ATP10B: variants seen among roughly 807,000 people sequenced by gnomAD.
ATP10B encodes ATPase phospholipid transporting 10B (putative).
ATP10B carries 122 observed loss-of-function variants against 141.2 expected under a neutral mutation model. The ratio of observed to expected loss-of-function variants is 0.86; its 90% CI spans 0.75 to 1.00. The LOEUF is 1.00. ATP10B is among the 50% of genes least tolerant of loss of function. ATP10B has a pLI of 0.00. For missense variants in ATP10B, 1,876 were observed against 1,825.3 expected, an observed-to-expected ratio of 1.03 and a Z score of -0.51; for synonymous variants, 685 against 692.0, an observed-to-expected ratio of 0.99 and a Z score of 0.16.
intron 2 of ATP10B, among the ~76,000 whole-genome samples, chr5:160,748,018 C>T (rs1390479004): frequency 2.8e-5 from 4 of 145,264 alleles, no homozygotes; most frequent in South Asian, 2.2e-4. Flanking sequence ...AAAAAAAAAG[C>T]GGCCGGGGTT....
chr5:160,920,853 AG>A, the ATP10B span, among the ~76,000 whole-genome samples: 1 of 152,212 alleles, frequency 6.6e-6, no homozygotes, highest in Non-Finnish European at 1.5e-5. Flanking sequence ...AATGCTGGTC[AG>A]GGGGCCTCAC....
At chr5:160,652,973 A>T (rs1443491087) in intron 7 of ATP10B, among the ~76,000 whole-genome samples, 85 of 91,360 alleles carry the variant, frequency 9.3e-4, no homozygotes, top group Non-Finnish European at 1.4e-3. Context: ...ATGTATATAT[A>T]ATATATACAT....
At chr5:160,787,885 C>T (rs1400567030) in intron 1 of ATP10B, among the ~76,000 whole-genome samples, 1 of 152,102 alleles carries the variant, frequency 6.6e-6, no homozygotes. Context: ...GTATTATTCC[C>T]CCTTATTAAT....
chr5:160,767,051 GA>G (rs71285017), intron 2 of ATP10B, among the ~76,000 whole-genome samples: 80 of 144,572 alleles, frequency 5.5e-4, no homozygotes, highest in African/African-American at 1.1e-3. Flanking sequence ...GGCCACAATG[GA>G]AAAAAAAAAG....
At chr5:160,653,167 TTA>T (rs1443151524) in intron 7 of ATP10B, among the ~76,000 whole-genome samples, 7 of 130,882 alleles carry the variant, frequency 5.3e-5, no homozygotes, top group African/African-American at 2.1e-4. Context: ...ATAATATATA[TTA>T]TATATACAAT....
At chr5:160,887,281 C>G in the ATP10B span, among the ~76,000 whole-genome samples, 1 of 152,216 alleles carries the variant, frequency 6.6e-6, no homozygotes, top group Middle Eastern at 3.4e-3. Context: ...AAAATCATCT[C>G]TATATTACTT....
At chr5:160,788,876 G>C (rs1771366399) in intron 1 of ATP10B, among the ~76,000 whole-genome samples, 1 of 152,066 alleles carries the variant, frequency 6.6e-6, no homozygotes, top group Non-Finnish European at 1.5e-5. Context: ...CAAAATGAAT[G>C]AGCAGATGAA....
At chr5:160,591,266 G>GTAGAATGGAGTAATTAGGAGTGTA in intron 22 of ATP10B, 127 bp from the exon 23 acceptor site, 3 of 677,930 alleles carry the variant, frequency 4.4e-6, no homozygotes, top group Non-Finnish European at 5.1e-6. Flanking sequence ...ATTTGTGGTA[G>GTAGAATGGAGTAATTAGGAGTGTA]TAGAATGGAG....
chr5:160,616,034 C>T, intron 16 of ATP10B, 70 bp from the exon 17 acceptor site: 3 of 1,535,958 alleles, frequency 2.0e-6, no homozygotes, highest in Non-Finnish European at 2.7e-6. Context: ...TCTCTTCCCA[C>T]CTGCTGGGTC....
intron 3 of ATP10B, among the ~76,000 whole-genome samples, chr5:160,709,033 C>A (rs933739116): frequency 2.0e-5 from 3 of 152,058 alleles, no homozygotes; most frequent in South Asian, 2.1e-4. Context: ...ACAGACAGAC[C>A]CCTTGGAAAA....
At chr5:160,696,930 C>A (rs1764396516) in intron 3 of ATP10B, among the ~76,000 whole-genome samples, 1 of 152,144 alleles carries the variant, frequency 6.6e-6, no homozygotes, top group African/African-American at 2.4e-5. Context: ...ATCACTTAGT[C>A]TTTTACTGAT....
chr5:160,633,929 G>A (rs1042230119), intron 12 of ATP10B: 1 of 333,908 alleles, frequency 3.0e-6, no homozygotes, highest in African/African-American at 2.1e-5. Context: ...GACATCTTCT[G>A]GATGTATTAA....
intron 10 of ATP10B, among the ~76,000 whole-genome samples, chr5:160,636,618 G>T (rs956462892): frequency 2.6e-5 from 4 of 152,164 alleles, no homozygotes; most frequent in African/African-American, 9.7e-5. Context: ...AAGAGAGAAA[G>T]AAATACTTGT....
At chr5:160,710,071 A>G (rs1765291409) in intron 3 of ATP10B, among the ~76,000 whole-genome samples, 1 of 34,042 alleles carries the variant, frequency 2.9e-5, no homozygotes, top group African/African-American at 1.2e-4. Flanking sequence ...CAATAAACAT[A>G]CGTGTGCATG....
chr5:160,814,097 C>T (rs1029749542), intron 1 of ATP10B, among the ~76,000 whole-genome samples: 8 of 152,176 alleles, frequency 5.3e-5, no homozygotes, highest in African/African-American at 1.7e-4. Flanking sequence ...CGAAGGAACG[C>T]AGCTCTTCAC....
the ATP10B span, among the ~76,000 whole-genome samples, chr5:160,870,679 C>G: frequency 6.6e-6 from 1 of 151,436 alleles, no homozygotes; most frequent in African/African-American, 2.4e-5. Context: ...TGAGAATTTC[C>G]CCAAATTAAT....
At chr5:160,822,171 A>C (rs1561893372) in intron 1 of ATP10B, among the ~76,000 whole-genome samples, 1 of 152,156 alleles carries the variant, frequency 6.6e-6, no homozygotes, top group African/African-American at 2.4e-5. Flanking sequence ...ACAGGAAAAA[A>C]ATCTAATAAT....
the ATP10B span, among the ~76,000 whole-genome samples, chr5:160,916,876 A>G: frequency 1.3e-5 from 2 of 152,102 alleles, no homozygotes; most frequent in Non-Finnish European, 2.9e-5. Context: ...TTTGGACTCT[A>G]TTCTCTTTCC....
intron 1 of ATP10B, among the ~76,000 whole-genome samples, chr5:160,827,680 G>A (rs1323840948): frequency 1.3e-5 from 2 of 152,070 alleles, no homozygotes; most frequent in Non-Finnish European, 2.9e-5. Flanking sequence ...CATTTCCTAG[G>A]TTTTCTTCTA....
Sources: gnomAD v4.1 joint callset for allele counts (sites outside exome capture counted in the v4.1 genomes callset) on GRCh38, gnomAD v4.1.1 for gene constraint, MANE v1.5 for transcripts, NCBI Gene and HGNC (gene_info 2026-07-23, HGNC 2026-07-21) for gene names.